CA12: variants seen among roughly 807,000 people sequenced by gnomAD.
CA12 encodes carbonic anhydrase 12, also known as carbonate dehydratase XII.
In CA12, 36 loss-of-function variants were observed where a neutral mutation model predicts 46.8. The ratio of observed to expected loss-of-function variants is 0.77; its 90% CI spans 0.59 to 1.02. CA12 has a LOEUF of 1.02. Ranked by LOEUF, CA12 falls within the 50% of genes least tolerant of loss-of-function variation. CA12 has a pLI of 0.00. For missense variants in CA12, 436 were observed against 451.4 expected (o/e 0.97, Z 0.31); for synonymous variants, 202 against 187.0 (o/e 1.08, Z -0.65).
intron 8 of CA12, among the ~76,000 whole-genome samples, chr15:63,337,055 C>T (rs1595777555): frequency 6.6e-6 from 1 of 152,208 alleles, no homozygotes; most frequent in Admixed American, 6.5e-5. Context: ...ACATTCCATG[C>T]ACTCAGTTCA....
At chr15:63,338,795 C>A (rs374509602) in intron 8 of CA12, 24 bp downstream of exon 8, 6 of 1,612,604 alleles carry the variant, frequency 3.7e-6, no homozygotes, top group Non-Finnish European at 5.1e-6. Context: ...CGCACCCCCT[C>A]CCCCCAGCAC....
Position 63,338,854 on chromosome 15 carries a change from A to T in CA12, c.839T>A (p.Phe280Tyr). 3 of 1,614,080 alleles carry T rather than the reference A, an allele frequency of 1.9e-6. No homozygotes were observed. Among genetic ancestry groups the T allele is most frequent in the Non-Finnish European group, 2.5e-6 (3 of 1,180,008 alleles). ...MINNFRQVQKFDERLVYTSFS... is the reference protein window; with the variant it reads ...MINNFRQVQKYDERLVYTSFS... ...GGAGGTGTATACCAGCCTCTCATCG[A>T]ACTTCTGGACCTGCCGGAAGTTGTT... The change falls in exon 8 of 11, where the codon TTC (phenylalanine) becomes TAC (tyrosine). Residue 280 changes from phenylalanine to tyrosine, a missense_variant. Phe to Tyr is a conservative substitution (Grantham distance 22). Coordinates refer to ENST00000178638, the MANE Select transcript of CA12 (RefSeq NM_001218.5).
intron 8 of CA12, among the ~76,000 whole-genome samples, chr15:63,334,054 C>T (rs944953823): frequency 1.3e-5 from 2 of 152,042 alleles, no homozygotes; most frequent in Admixed American, 1.3e-4. Flanking sequence ...AAGAACCAGG[C>T]CAAAGCCCTA....
In CA12 at chr15:63,374,170, CCT is replaced by C. The variant is rs1339466084; in HGVS notation, c.106+1486_106+1487del. Among the ~76,000 whole-genome samples the C allele has an allele frequency of 6.6e-6, 1 of 152,156 alleles. No homozygotes were observed. The highest frequency in any genetic ancestry group is 1.9e-4 in the East Asian group (1 of 5,194). ...GCCTGCCCTGACCCTCCACACCTCC[CCT>C]GTTTGACCCAGCCTATCTCTCTGAC... On this transcript the variant is annotated intron_variant, in intron 2 of 10. Coordinates refer to ENST00000178638, the MANE Select transcript of CA12 (RefSeq NM_001218.5). This position sits in a 1 kb window ranked among gnomAD's most constrained non-coding sequence, Gnocchi z 4.4.
intron 2 of CA12, among the ~76,000 whole-genome samples, chr15:63,356,145 C>T (rs1319250108): frequency 6.6e-6 from 1 of 152,162 alleles, no homozygotes; most frequent in East Asian, 1.9e-4. Flanking sequence ...GTAATCCCAG[C>T]ACTTTGGGAG....
At chr15:63,361,018 TG>T (rs2039355526) in intron 2 of CA12, among the ~76,000 whole-genome samples, 1 of 151,978 alleles carries the variant, frequency 6.6e-6, no homozygotes, top group African/African-American at 2.4e-5. Flanking sequence ...ACACTTGAGG[TG>T]GCATCGGATG....
At position 63,321,479 on chromosome 15, in the gene CA12, C is replaced by G. The variant is rs1167900209; in HGVS notation, c.*4806G>C. The G allele has an allele frequency of 6.6e-6, 1 of 152,284 alleles. No individual in the cohort carries two copies. Among genetic ancestry groups the G allele is most frequent in the Admixed American group, 6.5e-5 (1 of 15,288 alleles). 9.4% of individuals were successfully genotyped at this position (152,284 alleles called of 1,614,324 possible). A position where few individuals can be genotyped will look rare whatever the true frequency, so the allele number is the denominator to read the frequency against. On this transcript the variant is annotated 3_prime_UTR_variant, in exon 11 of 11. Coordinates refer to ENST00000178638, the MANE Select transcript of CA12 (RefSeq NM_001218.5). This position sits in a 1 kb window ranked among gnomAD's most constrained non-coding sequence, Gnocchi z 4.5. ...TATAATGAAGAGGCACGGGGTGGAG[C>G]CCGGGGACACCCTCGGTGGCATTGT...
At position 63,326,674 on chromosome 15, in the gene CA12, A is replaced by AC. The variant is rs543792837; in HGVS notation, c.993-318dup. On this transcript the variant is annotated intron_variant, in intron 10 of 10. Coordinates refer to ENST00000178638, the MANE Select transcript of CA12 (RefSeq NM_001218.5). ...TCCCAGAAACCTTTTTATTTTTCAT[A>AC]CCCCCCCCAAATAAATTAGGTTTTA... is the stretch of plus-strand genomic sequence containing the variant. Among the ~76,000 whole-genome samples, 498 of 150,148 alleles carry AC rather than the reference A, an allele frequency of 3.3e-3. 2 individuals are homozygous for AC. The highest frequency in any genetic ancestry group is 5.0e-3 in the African/African-American group (203 of 40,756).
chr15:63,340,620 A>G lies in CA12; in HGVS notation c.589+100T>C. ...CTGCTGCTCTTAACCTGGTGAACAC[A>G]GACAGCACCTGCCCCTTGTGTTTGC... On this transcript the variant is annotated intron_variant, in intron 6 of 10. Coordinates refer to ENST00000178638, the MANE Select transcript of CA12 (RefSeq NM_001218.5). This position sits in a 1 kb window ranked among gnomAD's most constrained non-coding sequence, Gnocchi z 4.4. 7.0e-7 allele frequency: 1 copy of G among 1,420,438 alleles called. No individual in the cohort carries two copies. The highest frequency in any genetic ancestry group is 1.0e-6 in the Non-Finnish European group (1 of 1,004,314). 88.0% of individuals were successfully genotyped at this position (1,420,438 alleles called of 1,614,324 possible). A position where few individuals can be genotyped will look rare whatever the true frequency, so the allele number is the denominator to read the frequency against.
chr15:63,358,529 C>G (rs1221226373), intron 2 of CA12, among the ~76,000 whole-genome samples: 1 of 152,186 alleles, frequency 6.6e-6, no homozygotes, highest in Non-Finnish European at 1.5e-5. Flanking sequence ...ACAGCTGTCT[C>G]CCCTGGCTGA....
chr15:63,375,811 CTTTT>C (rs200331670), intron 1 of CA12, 133 bp from the exon 2 acceptor site: 15 of 508,210 alleles, frequency 3.0e-5, no homozygotes, highest in East Asian at 4.0e-5. Flanking sequence ...TTTTCTTTTT[CTTTT>C]TTTTTTTTTT....
At chr15:63,380,401 G>A (rs941109088) in intron 1 of CA12, among the ~76,000 whole-genome samples, 2 of 152,202 alleles carry the variant, frequency 1.3e-5, no homozygotes, top group Admixed American at 1.3e-4. Context: ...CCAGCTATAG[G>A]AAAGAGGGCC....
At chr15:63,376,560 T>TTCTTTCTTTCTTTCTTTCTTTCTTTC (rs1567056955) in intron 1 of CA12, among the ~76,000 whole-genome samples, 1 of 102,330 alleles carries the variant, frequency 9.8e-6, no homozygotes, top group Non-Finnish European at 2.0e-5. Flanking sequence ...TTTCTTTCCT[T>TTCTTTCTTTCTTTCTTTCTTTCTTTC]TCTTTCTTTC....
chr15:63,343,834 C>T (rs116533441), intron 4 of CA12, among the ~76,000 whole-genome samples: 315 of 152,236 alleles, frequency 2.1e-3, no homozygotes, highest in African/African-American at 7.0e-3. Flanking sequence ...TCTCGAGACC[C>T]CCAAATCACT....
At chr15:63,337,992 G>T (rs1044134986) in intron 8 of CA12, among the ~76,000 whole-genome samples, 8 of 152,214 alleles carry the variant, frequency 5.3e-5, no homozygotes, top group African/African-American at 1.9e-4. Context: ...CAGTAAGAAA[G>T]TGAGCTTGAA....
intron 2 of CA12, among the ~76,000 whole-genome samples, chr15:63,356,479 C>T (rs72748939): frequency 0.39 from 59,621 of 151,642 alleles, 14,907 homozygotes; most frequent in Non-Finnish European, 0.56. Flanking sequence ...AATAGTTTGG[C>T]GGTGCCTTAA....
In CA12 at chr15:63,328,846, G is replaced by A. The variant is rs898181692; in HGVS notation, c.875-716C>T. 2.0e-5 allele frequency among the ~76,000 whole-genome samples: 3 copies of A among 152,044 alleles called. No homozygotes were observed. The highest frequency in any genetic ancestry group is 4.4e-5 in the Non-Finnish European group (3 of 68,026). On this transcript the variant is annotated intron_variant, in intron 8 of 10. Transcript: ENST00000178638. This position sits in a 1 kb window ranked among gnomAD's most constrained non-coding sequence, Gnocchi z 5.9. ...CTCCCGAGCAGCTGGGACTGCAGGC[G>A]TGCACCACAACGCTTGGCTAATTTT...
rs1416094882 is a variant in CA12, at chr15:63,341,984, C to A, written c.525+18G>T. ...CCTGCTTCAAATTTCACCTAAGAAC[C>A]TTTTAAATATCTCTTACCTCAATGA... On this transcript the variant is annotated intron_variant, in intron 5 of 10. Coordinates refer to ENST00000178638, the MANE Select transcript of CA12 (RefSeq NM_001218.5). The surrounding 1 kb of genome is among the most constrained non-coding windows in gnomAD (Gnocchi z 5.2). 1 of 1,580,420 alleles carries A rather than the reference C, an allele frequency of 6.3e-7. No homozygotes were observed. Among genetic ancestry groups the A allele is most frequent in the Non-Finnish European group, 8.7e-7 (1 of 1,149,628 alleles).
intron 1 of CA12, among the ~76,000 whole-genome samples, chr15:63,380,444 G>A: frequency 6.6e-6 from 1 of 152,214 alleles, no homozygotes; most frequent in East Asian, 1.9e-4. Flanking sequence ...TGGTCTTGGA[G>A]CAACTTAGGA....
Sources: allele counts gnomAD v4.1 joint callset (sites outside exome capture counted in the v4.1 genomes callset), GRCh38; gene constraint gnomAD v4.1.1; non-coding constraint Gnocchi (gnomAD v3.1); transcripts MANE v1.5; gene names NCBI Gene and HGNC (gene_info 2026-07-23, HGNC 2026-07-21).